Variants in PCSK2 observed in about 807,000 individuals in gnomAD.
PCSK2 encodes the protein proprotein convertase subtilisin/kexin type 2.
PCSK2 carries 14 observed loss-of-function variants against 69.7 expected under a neutral mutation model. That is an observed-to-expected ratio of 0.20 (90% CI 0.13 to 0.31). PCSK2 has a LOEUF of 0.31. PCSK2 is among the 10% of genes least tolerant of loss of function. The pLI is 1.00. For missense variants in PCSK2, 544 were observed against 842.5 expected, an observed-to-expected ratio of 0.65 and a Z score of 4.39; for synonymous variants, 307 against 320.7, an observed-to-expected ratio of 0.96 and a Z score of 0.46.
intron 2 of PCSK2, among the ~76,000 whole-genome samples, chr20:17,340,363 T>G (rs1990475654): frequency 6.6e-6 from 1 of 152,236 alleles, no homozygotes; most frequent in Non-Finnish European, 1.5e-5. Context: ...TTTTCCCCTT[T>G]TGACATTTTA....
intron 5 of PCSK2, among the ~76,000 whole-genome samples, chr20:17,400,261 A>G (rs1295362211): frequency 1.3e-5 from 2 of 152,228 alleles, no homozygotes; most frequent in Admixed American, 1.3e-4. Flanking sequence ...TTTCTTTTAA[A>G]TAATGCATGC....
In PCSK2 at chr20:17,336,284, C is replaced by T. The variant is rs80027488; in HGVS notation, c.283-22043C>T. Among the ~76,000 whole-genome samples, 819 of 152,226 alleles carry T rather than the reference C, an allele frequency of 5.4e-3. 9 individuals carry two copies. The highest frequency in any genetic ancestry group is 0.018 in the African/African-American group (752 of 41,520). ...GTTTTAAGAGACAAACACAGGTATA[C>T]ACCATCCTTTCTTTAAGCCACAGCT... On this transcript the variant is annotated intron_variant, in intron 2 of 11. Transcript: ENST00000262545.
At chr20:17,346,890 C>G (rs1440852003) in intron 2 of PCSK2, among the ~76,000 whole-genome samples, 1 of 152,192 alleles carries the variant, frequency 6.6e-6, no homozygotes, top group Non-Finnish European at 1.5e-5. Flanking sequence ...TCTCGGGGTT[C>G]TCGTTGGCTG....
chr20:17,251,027 G>T (rs888873652), intron 1 of PCSK2, among the ~76,000 whole-genome samples: 3 of 152,110 alleles, frequency 2.0e-5, no homozygotes, highest in Non-Finnish European at 4.4e-5. Flanking sequence ...TTGAATCCAA[G>T]AGGCGAAGGT....
intron 1 of PCSK2, among the ~76,000 whole-genome samples, chr20:17,244,438 T>C (rs1452263299): frequency 2.0e-5 from 3 of 152,188 alleles, no homozygotes; most frequent in African/African-American, 7.2e-5. Flanking sequence ...ATTCAACTTT[T>C]TGAACCTCAT....
intron 6 of PCSK2, among the ~76,000 whole-genome samples, chr20:17,421,835 A>AAAAAAAAAAAAC: frequency 1.4e-5 from 2 of 147,250 alleles, no homozygotes; most frequent in Non-Finnish European, 3.0e-5. Flanking sequence ...AAAAAAAAAA[A>AAAAAAAAAAAAC]AAAGACGAAA....
At chr20:17,230,756 T>C (rs1986117241) in intron 1 of PCSK2, among the ~76,000 whole-genome samples, 1 of 152,252 alleles carries the variant, frequency 6.6e-6, no homozygotes, top group African/African-American at 2.4e-5. Flanking sequence ...TGGTGGCCTG[T>C]ATATGAATAT....
At chr20:17,288,038 C>T (rs1457074589) in intron 2 of PCSK2, among the ~76,000 whole-genome samples, 1 of 152,270 alleles carries the variant, frequency 6.6e-6, no homozygotes, top group African/African-American at 2.4e-5. Context: ...AGCTCTCACC[C>T]AAGGGCTGGC....
At chr20:17,424,667 A>G (rs2123329577) in intron 6 of PCSK2, among the ~76,000 whole-genome samples, 1 of 151,596 alleles carries the variant, frequency 6.6e-6, no homozygotes, top group East Asian at 2.0e-4. Flanking sequence ...TAATTTTTGT[A>G]TTTTTAGTAG....
intron 5 of PCSK2, among the ~76,000 whole-genome samples, chr20:17,370,654 T>C (rs2030731595): frequency 6.6e-6 from 1 of 152,282 alleles, no homozygotes; most frequent in Admixed American, 6.5e-5. Flanking sequence ...CCCTGTCTCC[T>C]CATGGTGCCT....
chr20:17,415,201 G>A (rs1414369845), intron 6 of PCSK2, among the ~76,000 whole-genome samples: 1 of 152,164 alleles, frequency 6.6e-6, no homozygotes, highest in Non-Finnish European at 1.5e-5. Flanking sequence ...TCAGGCAAGA[G>A]AAAGAAATAA....
intron 4 of PCSK2, 85 bp from the exon 5 acceptor site, chr20:17,369,155 G>C: frequency 8.3e-7 from 1 of 1,201,296 alleles, no homozygotes; most frequent in Non-Finnish European, 1.2e-6. Context: ...GCCCCATAAA[G>C]AGGGCACTTT....
At chr20:17,271,636 T>C (rs918074295) in intron 2 of PCSK2, among the ~76,000 whole-genome samples, 2 of 152,010 alleles carry the variant, frequency 1.3e-5, no homozygotes, top group Non-Finnish European at 2.9e-5. Context: ...TGAACCTGAG[T>C]GTACACACCC....
chr20:17,341,406 G>A (rs1341195987), intron 2 of PCSK2, among the ~76,000 whole-genome samples: 1 of 152,142 alleles, frequency 6.6e-6, no homozygotes, highest in African/African-American at 2.4e-5. Flanking sequence ...TATAGCTCCC[G>A]AAGTGAAGCG....
chr20:17,273,159 G>T lies in PCSK2; in HGVS notation c.282+12815G>T, dbSNP rs368570255. On this transcript the variant is annotated intron_variant, in intron 2 of 11. Coordinates refer to ENST00000262545, the MANE Select transcript of PCSK2 (RefSeq NM_002594.5). ...CTTAATAAAGTGATTTCCTTTAAAT[G>T]AGTAAGTCAAGATATCTCAGACATA... is the stretch of plus-strand genomic sequence containing the variant. Among the ~76,000 whole-genome samples, 5 of 152,110 alleles carry T rather than the reference G, an allele frequency of 3.3e-5. No homozygotes were observed. In the East Asian group the frequency reaches 9.6e-4, roughly 29 times the overall value.
intron 1 of PCSK2, among the ~76,000 whole-genome samples, chr20:17,228,797 C>A (rs1396229062): frequency 6.6e-6 from 1 of 152,208 alleles, no homozygotes; most frequent in Non-Finnish European, 1.5e-5. Context: ...GGAATTTCGA[C>A]CCCAGAAGGG....
At chr20:17,413,564 A>G (rs1393908610) in intron 6 of PCSK2, among the ~76,000 whole-genome samples, 2 of 152,242 alleles carry the variant, frequency 1.3e-5, no homozygotes, top group East Asian at 1.9e-4. Context: ...AGAGACTTAG[A>G]GTCCCACACA....
intron 2 of PCSK2, among the ~76,000 whole-genome samples, chr20:17,343,981 C>A (rs1389173731): frequency 1.3e-5 from 2 of 152,214 alleles, no homozygotes; most frequent in African/African-American, 4.8e-5. Flanking sequence ...CGGTGGCCAT[C>A]TGTTACAGCA....
chr20:17,336,476 T>A (rs1990354573), intron 2 of PCSK2, among the ~76,000 whole-genome samples: 1 of 152,226 alleles, frequency 6.6e-6, no homozygotes, highest in Admixed American at 6.5e-5. Context: ...GCTGTTTAAA[T>A]GGGTAGAAAT....
Sources: gnomAD v4.1 joint callset for allele counts (sites outside exome capture counted in the v4.1 genomes callset) on GRCh38, gnomAD v4.1.1 for gene constraint, MANE v1.5 for transcripts, NCBI Gene and HGNC (gene_info 2026-07-23, HGNC 2026-07-21) for gene names.